TMEM181: variants seen among roughly 807,000 people sequenced by gnomAD.
TMEM181 encodes G protein-coupled receptor 178.
In TMEM181, 39 loss-of-function variants were observed where a neutral mutation model predicts 71.9. That is an observed-to-expected ratio of 0.54 (90% CI 0.42 to 0.71). The LOEUF (loss-of-function observed/expected upper bound fraction) is 0.71. Ranked by LOEUF, TMEM181 falls within the 30% of genes least tolerant of loss-of-function variation. The probability of loss-of-function intolerance (pLI) is 0.00; values close to 1 mark genes in which losing one functional copy is unlikely to be tolerated. For missense variants in TMEM181, 595 were observed against 583.0 expected (o/e 1.02, Z -0.21); for synonymous variants, 245 against 228.8 (o/e 1.07, Z -0.64).
intron 6 of TMEM181, among the ~76,000 whole-genome samples, chr6:158,603,416 C>T (rs368335340): frequency 3.3e-5 from 5 of 152,120 alleles, no homozygotes; most frequent in Non-Finnish European, 4.4e-5. Context: ...ATGCCCTGGC[C>T]GACCTGAAGA....
At chr6:158,560,290 T>C in intron 1 of TMEM181, 58 bp downstream of exon 1, 3 of 984,714 alleles carry the variant, frequency 3.0e-6, no homozygotes, top group Non-Finnish European at 3.6e-6. Flanking sequence ...CGGCCGAAAG[T>C]TGGGGATCCC....
chr6:158,585,084 C>A (rs541109045), intron 4 of TMEM181, among the ~76,000 whole-genome samples: 1 of 152,204 alleles, frequency 6.6e-6, no homozygotes, highest in South Asian at 2.1e-4. Context: ...GTCTGAAGTG[C>A]AGGTTTTGAC....
At chr6:158,631,663 G>C in intron 16 of TMEM181, 147 bp from the exon 17 acceptor site, 1 of 954,848 alleles carries the variant, frequency 1.0e-6, no homozygotes, top group Non-Finnish European at 1.6e-6. Flanking sequence ...AGGGAGAGGA[G>C]GACGGGGTGA....
At chr6:158,593,402 C>T (rs1047296040) in intron 6 of TMEM181, among the ~76,000 whole-genome samples, 3 of 151,842 alleles carry the variant, frequency 2.0e-5, no homozygotes, top group South Asian at 4.2e-4. Flanking sequence ...CTTTATTTCC[C>T]GTAATGAATG....
intron 1 of TMEM181, among the ~76,000 whole-genome samples, chr6:158,572,759 C>T (rs1782935267): frequency 6.6e-6 from 1 of 152,268 alleles, no homozygotes; most frequent in Non-Finnish European, 1.5e-5. Flanking sequence ...GTGAGTTTCC[C>T]TGTCTGTGTA....
At chr6:158,607,057 C>T (rs1037673167) in intron 7 of TMEM181, among the ~76,000 whole-genome samples, 187 bp from the exon 8 acceptor site, 2 of 152,224 alleles carry the variant, frequency 1.3e-5, no homozygotes, top group Admixed American at 1.3e-4. Context: ...ACAACCTTGT[C>T]TTGGTTGTCA....
chr6:158,599,036 G>GGT (rs1784531438), intron 6 of TMEM181, among the ~76,000 whole-genome samples: 1 of 152,150 alleles, frequency 6.6e-6, no homozygotes, highest in African/African-American at 2.4e-5. Flanking sequence ...CCCTTTGCTT[G>GGT]GTGCTGCACA....
exon 1 of TMEM181, chr6:158,536,750 C>T: frequency 1.3e-6 from 2 of 1,577,896 alleles, no homozygotes; most frequent in East Asian, 2.4e-5. Flanking sequence ...CGCCGAGTAC[C>T]CTGCCTTTGA....
At chr6:158,612,638 G>A (rs1177761367) in intron 10 of TMEM181, among the ~76,000 whole-genome samples, 1 of 152,224 alleles carries the variant, frequency 6.6e-6, no homozygotes, top group African/African-American at 2.4e-5. Context: ...CTTTGTTTGA[G>A]ATTTTTAGCA....
chr6:158,589,027 A>C (rs1258793045), intron 5 of TMEM181, among the ~76,000 whole-genome samples: 1 of 152,130 alleles, frequency 6.6e-6, no homozygotes, highest in Non-Finnish European at 1.5e-5. Context: ...GCCACTCCGG[A>C]AGGGGATAAC....
At position 158,585,205 on chromosome 6, in the gene TMEM181, G is replaced by T. The variant is rs577688886; in HGVS notation, c.260-99G>T. The T allele has an allele frequency of 9.3e-5, 128 of 1,369,154 alleles. No homozygotes were observed. The African/African-American group carries it at 1.5e-3, about 16-fold the overall frequency. The allele number at this position is 1,369,154 out of a possible 1,614,324, so 84.8% of individuals were successfully genotyped here. On this transcript the variant is annotated intron_variant, in intron 4 of 16. Coordinates refer to ENST00000684151, the MANE Select transcript of TMEM181 (RefSeq NM_001376852.1). ...CCAATGTGGCCTAAGGACCTTAAGC[G>T]TTTTCCTGGCTCCAAGGTCATTACA...
chr6:158,625,205 G>C lies in TMEM181; in HGVS notation c.1056G>C (p.Val352=). Reference sequence around the variant, plus strand: ...CCGAGCTACGTCACATGCCTTATGTGGGTAAGTGCTCCTTTCAGAATCGGT... The same window carrying C: ...CCGAGCTACGTCACATGCCTTATGTCGGTAAGTGCTCCTTTCAGAATCGGT... ...ACSELRHMPY[V]DLRLKFLTAL... The change falls in exon 12 of 17, where the codon GTG becomes GTC. Residue 352 remains valine, a splice_region_variant and synonymous_variant. Transcript: ENST00000684151. 5.6e-6 allele frequency: 9 copies of C among 1,613,796 alleles called. No individual in the cohort carries two copies. The highest frequency in any genetic ancestry group is 7.6e-6 in the Non-Finnish European group (9 of 1,179,710).
At chr6:158,563,928 C>T (rs573756886) in intron 1 of TMEM181, among the ~76,000 whole-genome samples, 14 of 152,226 alleles carry the variant, frequency 9.2e-5, no homozygotes, top group South Asian at 4.1e-4. Context: ...ACTACAGGTG[C>T]GCGCCACCAC....
chr6:158,628,500 T>C lies in TMEM181; in HGVS notation c.1192+10T>C, dbSNP rs770471557. On this transcript the variant is annotated intron_variant, in intron 14 of 16. Coordinates refer to ENST00000684151, the MANE Select transcript of TMEM181 (RefSeq NM_001376852.1). The stretch of plus-strand genomic sequence containing the variant: ...ACTCACTACCAGAATTATATCCTTT[T>C]CACTGGAGGGCCCTGGCTGCAGGAC... The C allele has an allele frequency of 8.7e-6, 14 of 1,613,198 alleles. No individual in the cohort carries two copies. The highest frequency in any genetic ancestry group is 1.2e-5 in the Non-Finnish European group (14 of 1,179,390).
intron 15 of TMEM181, among the ~76,000 whole-genome samples, chr6:158,630,562 A>T (rs1012931261): frequency 1.1e-4 from 17 of 152,152 alleles, no homozygotes; most frequent in African/African-American, 4.1e-4. Flanking sequence ...ATGTAGTAAC[A>T]CTTAAGGCAG....
intron 7 of TMEM181, 23 bp from the exon 8 acceptor site, chr6:158,607,221 T>C: frequency 6.2e-7 from 1 of 1,601,716 alleles, no homozygotes; most frequent in Non-Finnish European, 8.6e-7. Flanking sequence ...AGGCAGTAAC[T>C]GGAGGCCTGA....
intron 16 of TMEM181, among the ~76,000 whole-genome samples, 160 bp from the exon 17 acceptor site, chr6:158,631,650 G>T (rs535643979): frequency 1.3e-5 from 2 of 152,352 alleles, no homozygotes; most frequent in Admixed American, 1.3e-4. Flanking sequence ...GGAACTGGGG[G>T]TCAGGGAGAG....
upstream of TMEM181, chr6:158,560,025 C>A (rs776254290): frequency 3.0e-6 from 3 of 984,534 alleles, no homozygotes; most frequent in Non-Finnish European, 3.6e-6. Flanking sequence ...CCGCTTCCAC[C>A]GCGCCGCGCC....
intron 10 of TMEM181, among the ~76,000 whole-genome samples, chr6:158,617,070 C>T (rs940768654): frequency 6.6e-6 from 1 of 152,178 alleles, no homozygotes; most frequent in Non-Finnish European, 1.5e-5. Context: ...AGCAACTCCT[C>T]CCTGTACCTC....
Sources: allele counts gnomAD v4.1 joint callset (sites outside exome capture counted in the v4.1 genomes callset), GRCh38; gene constraint gnomAD v4.1.1; transcripts MANE v1.5; gene names NCBI Gene and HGNC (gene_info 2026-07-23, HGNC 2026-07-21).